Variants in RGS6 observed in about 807,000 individuals in gnomAD.
The protein encoded by RGS6 is regulator of G protein signaling 6.
Under a neutral mutation model 78.5 loss-of-function variants are expected in RGS6, and 30 were observed. That is an observed-to-expected ratio of 0.38 (90% confidence interval 0.29 to 0.52). RGS6 has a LOEUF of 0.52. RGS6 is among the 20% of genes least tolerant of loss of function. The probability of loss-of-function intolerance (pLI) is 0.85; values close to 1 mark genes in which losing one functional copy is unlikely to be tolerated. For missense variants in RGS6, 495 were observed against 609.7 expected (o/e 0.81, Z 1.98); for synonymous variants, 206 against 206.0 (o/e 1.00, Z 0.00).
At chr14:72,408,475 C>T (rs1451289297) in intron 3 of RGS6, among the ~76,000 whole-genome samples, 1 of 152,154 alleles carries the variant, frequency 6.6e-6, no homozygotes, top group Non-Finnish European at 1.5e-5. Flanking sequence ...AATCACATCA[C>T]TTGACTTTAA....
intron 2 of RGS6, among the ~76,000 whole-genome samples, chr14:72,187,313 T>C (rs2097261078): frequency 6.6e-6 from 1 of 152,182 alleles, no homozygotes; most frequent in African/African-American, 2.4e-5. Context: ...GGCACAAAGA[T>C]GACATTTTTT....
At chr14:72,242,163 T>C (rs1221933368) in intron 2 of RGS6, among the ~76,000 whole-genome samples, 1 of 152,098 alleles carries the variant, frequency 6.6e-6, no homozygotes, top group Non-Finnish European at 1.5e-5. Flanking sequence ...TGCTCAGTAA[T>C]GAGTAACCCA....
intron 2 of RGS6, among the ~76,000 whole-genome samples, chr14:72,339,956 C>T (rs78289314): frequency 1.2e-4 from 19 of 152,246 alleles, no homozygotes; most frequent in African/African-American, 4.3e-4. Context: ...TCCTTCTTTG[C>T]GGCCCTCCTG....
At chr14:72,424,220 G>T (rs370467529) in intron 3 of RGS6, among the ~76,000 whole-genome samples, 10 of 152,198 alleles carry the variant, frequency 6.6e-5, no homozygotes. Context: ...TCCTATTCCA[G>T]TCTTTGCTAG....
At chr14:72,550,199 A>G (rs1340582261) in intron 17 of RGS6, among the ~76,000 whole-genome samples, 2 of 152,184 alleles carry the variant, frequency 1.3e-5, no homozygotes, top group Non-Finnish European at 2.9e-5. Flanking sequence ...AAAGTCAGCA[A>G]AGTTTTAATA....
At chr14:72,522,909 G>A (rs2097067489) in intron 15 of RGS6, among the ~76,000 whole-genome samples, 1 of 152,174 alleles carries the variant, frequency 6.6e-6, no homozygotes, top group South Asian at 2.1e-4. Context: ...AGTTTTTGGG[G>A]GAGAGTAAGT....
intron 2 of RGS6, among the ~76,000 whole-genome samples, chr14:72,322,737 A>G (rs905580078): frequency 6.6e-6 from 1 of 152,264 alleles, no homozygotes; most frequent in South Asian, 2.1e-4. Flanking sequence ...GACTATTTCA[A>G]AATTCACAAC....
At chr14:71,912,364 G>T in the RGS6 span, among the ~76,000 whole-genome samples, 1 of 152,236 alleles carries the variant, frequency 6.6e-6, no homozygotes, top group Non-Finnish European at 1.5e-5. Flanking sequence ...TTGGGCTTAG[G>T]ATTTTATTTT....
chr14:72,161,223 C>T (rs778528364), intron 2 of RGS6, among the ~76,000 whole-genome samples: 16 of 152,022 alleles, frequency 1.1e-4, no homozygotes, highest in Non-Finnish European at 1.9e-4. Context: ...CATCACATAC[C>T]AGGGCCTGTT....
intron 2 of RGS6, among the ~76,000 whole-genome samples, chr14:72,176,662 T>C (rs1260941622): frequency 6.6e-6 from 1 of 152,204 alleles, no homozygotes; most frequent in Non-Finnish European, 1.5e-5. Context: ...CTTAGGTCCG[T>C]GAACAGTGAT....
intron 3 of RGS6, among the ~76,000 whole-genome samples, chr14:72,398,006 T>C (rs571728182): frequency 8.5e-5 from 13 of 152,078 alleles, no homozygotes; most frequent in Non-Finnish European, 1.8e-4. Flanking sequence ...ATTGGTCTAA[T>C]ATTCTCTTTT....
chr14:72,597,114 C>T, the RGS6 span, among the ~76,000 whole-genome samples: 1 of 152,054 alleles, frequency 6.6e-6, no homozygotes, highest in African/African-American at 2.4e-5. Flanking sequence ...TGGCGTGCAC[C>T]TGTAATCCCA....
chr14:72,083,887 C>T (rs1252516731), intron 2 of RGS6, among the ~76,000 whole-genome samples: 2 of 152,014 alleles, frequency 1.3e-5, no homozygotes, highest in Admixed American at 1.3e-4. Flanking sequence ...CTGGGGTAGT[C>T]TGGAATACAG....
chr14:72,548,423 A>AATC (rs2153526971), intron 17 of RGS6, among the ~76,000 whole-genome samples: 1 of 151,940 alleles, frequency 6.6e-6, no homozygotes, highest in African/African-American at 2.4e-5. Flanking sequence ...CTTTCCTAAA[A>AATC]ATCAAGTTTA....
intron 2 of RGS6, among the ~76,000 whole-genome samples, chr14:72,303,686 C>G (rs1350796536): frequency 6.6e-6 from 1 of 152,168 alleles, no homozygotes; most frequent in Non-Finnish European, 1.5e-5. Flanking sequence ...ACCCCATCCT[C>G]AATCAACTAA....
chr14:72,438,943 A>G (rs1301591292), intron 3 of RGS6, among the ~76,000 whole-genome samples: 1 of 152,184 alleles, frequency 6.6e-6, no homozygotes, highest in Non-Finnish European at 1.5e-5. Context: ...TGCCCTCTGG[A>G]CAGATCAAGC....
the RGS6 span, among the ~76,000 whole-genome samples, chr14:71,895,043 C>T: frequency 2.6e-5 from 4 of 152,014 alleles, no homozygotes; most frequent in Admixed American, 1.3e-4. Flanking sequence ...GGATTACAGG[C>T]GTGAGCCACT....
intron 2 of RGS6, among the ~76,000 whole-genome samples, chr14:72,287,841 C>G (rs1348456188): frequency 6.6e-6 from 1 of 152,180 alleles, no homozygotes; most frequent in Non-Finnish European, 1.5e-5. Flanking sequence ...TTCTCTGCAT[C>G]TATTGAGATG....
chr14:72,510,292 A>G lies in RGS6; in HGVS notation c.1091+13A>G. On this transcript the variant is annotated intron_variant, in intron 14 of 17. Transcript: ENST00000553525. Reference sequence around the variant, plus strand: ...CAGAAAACCTCAGGTAAATCTCTCAAAGTTTGAGCTGTGTGCGGAATGTGT... The same window carrying G: ...CAGAAAACCTCAGGTAAATCTCTCAGAGTTTGAGCTGTGTGCGGAATGTGT... 2 of 1,614,114 alleles carry G rather than the reference A, an allele frequency of 1.2e-6. No homozygotes were observed. The highest frequency in any genetic ancestry group is 1.7e-6 in the Non-Finnish European group (2 of 1,180,014).
Sources: gnomAD v4.1 joint callset for allele counts (sites outside exome capture counted in the v4.1 genomes callset) on GRCh38, gnomAD v4.1.1 for gene constraint, MANE v1.5 for transcripts, NCBI Gene and HGNC (gene_info 2026-07-23, HGNC 2026-07-21) for gene names.